P2RY12: variants seen among roughly 807,000 people sequenced by gnomAD.
The protein encoded by P2RY12 is P2Y purinoceptor 12.
P2RY12 carries 3 observed loss-of-function variants against 4.5 expected under a neutral mutation model. The ratio of observed to expected loss-of-function variants is 0.67; its 90% CI spans 0.31 to 1.74. The LOEUF is 1.74. Ranked by LOEUF, P2RY12 falls within the 40% of genes most tolerant of loss-of-function variation. The probability of loss-of-function intolerance (pLI) is 0.09; values close to 1 mark genes in which losing one functional copy is unlikely to be tolerated. For missense variants in P2RY12, 356 were observed against 407.8 expected, an observed-to-expected ratio of 0.87 and a Z score of 1.09; for synonymous variants, 148 against 154.1, an observed-to-expected ratio of 0.96 and a Z score of 0.29.
intron 1 of P2RY12, chr3:151,384,275 A>G: frequency 6.8e-7 from 1 of 1,478,764 alleles, no homozygotes; most frequent in Non-Finnish European, 9.1e-7. Context: ...TTTATTATCT[A>G]GTGCATTTTA....
chr3:151,384,309 T>A, intron 1 of P2RY12: 1 of 1,276,836 alleles, frequency 7.8e-7, no homozygotes, highest in Non-Finnish European at 1.1e-6. Flanking sequence ...TAAATGTTAT[T>A]AATTGTATTC....
In P2RY12 at chr3:151,337,119, T is replaced by C. The variant is rs2149921600; in HGVS notation, c.*698A>G. ...CTAGAATTAAGGAAATATTTCTATATTTTTTAGTATTAGAATGTCATAAAA... is the reference window on the plus strand; with the variant it reads ...CTAGAATTAAGGAAATATTTCTATACTTTTTAGTATTAGAATGTCATAAAA... On this transcript the variant is annotated 3_prime_UTR_variant, in exon 3 of 3. Coordinates refer to ENST00000302632, the MANE Select transcript of P2RY12 (RefSeq NM_022788.5). 6.6e-6 allele frequency: 1 copy of C among 152,262 alleles called. No individual in the cohort carries two copies. 9.4% of individuals were successfully genotyped at this position (152,262 alleles called of 1,614,324 possible).
chr3:151,351,720 A>G (rs1313776449), intron 1 of P2RY12, among the ~76,000 whole-genome samples: 2 of 152,182 alleles, frequency 1.3e-5, no homozygotes, highest in Non-Finnish European at 2.9e-5. Context: ...TTCGTAATAC[A>G]TATTTTATCT....
intron 1 of P2RY12, chr3:151,350,262 GCA>G (rs1346003326): frequency 3.2e-6 from 5 of 1,566,392 alleles, no homozygotes; most frequent in South Asian, 2.3e-5. Flanking sequence ...TTCCCTCTGA[GCA>G]CAGTCTTTAT....
intron 1 of P2RY12, among the ~76,000 whole-genome samples, chr3:151,342,960 C>T (rs1023785311): frequency 6.6e-5 from 10 of 152,128 alleles, no homozygotes; most frequent in African/African-American, 2.4e-4. Flanking sequence ...AACTGAAGAG[C>T]AGAGCAGTGA....
In P2RY12 at chr3:151,338,498, T is replaced by A; in HGVS notation, c.348A>T (p.Gly116=). The A allele has an allele frequency of 6.2e-7, 1 of 1,613,912 alleles. No individual in the cohort carries two copies. The highest frequency in any genetic ancestry group is 8.5e-7 in the Non-Finnish European group (1 of 1,179,958). The change falls in exon 3 of 3, where the codon GGA becomes GGT. Residue 116 remains glycine (G), a synonymous_variant. Transcript: ENST00000302632. ...TCTGGTAGCGATCGATAGTTATCAGTCCCAGGAATGAAATACTGATATACA... is the reference window on the plus strand; with the variant it reads ...TCTGGTAGCGATCGATAGTTATCAGACCCAGGAATGAAATACTGATATACA... The part of the protein sequence containing the change: ...FTMYISISFL[G]LITIDRYQKT...
intron 1 of P2RY12, chr3:151,380,009 A>G: frequency 1.4e-6 from 1 of 694,848 alleles, no homozygotes; most frequent in South Asian, 2.2e-5. Context: ...GCTATTTACC[A>G]CCTCTCTTAT....
chr3:151,359,131 GTCCACGTGTACC>G (rs983528421), intron 1 of P2RY12, among the ~76,000 whole-genome samples: 3 of 151,988 alleles, frequency 2.0e-5, no homozygotes, highest in Non-Finnish European at 4.4e-5. Context: ...TCATCCTTAT[GTCCACGTGTACC>G]TCATGCTTAG....
At position 151,361,341 on chromosome 3, in the gene P2RY12, T is replaced by C. The variant is rs567789417; in HGVS notation, c.-179-20581A>G. On this transcript the variant is annotated intron_variant, in intron 1 of 2. Transcript: ENST00000302632. ...CTCACTGAATAACATTAAATCAATG[T>C]GCATTAAAAGTAGGAAACCTGGTTT... Among the ~76,000 whole-genome samples, 5 of 152,256 alleles carry C rather than the reference T, an allele frequency of 3.3e-5. No individual in the cohort carries two copies. The East Asian group carries it at 9.6e-4, about 29-fold the overall frequency.
In P2RY12 at chr3:151,337,859, T is replaced by G; in HGVS notation, c.987A>C (p.Lys329Asn). The G allele has an allele frequency of 1.9e-6, 3 of 1,614,130 alleles. No individual in the cohort carries two copies. Among genetic ancestry groups the G allele is most frequent in the Non-Finnish European group, 2.5e-6 (3 of 1,179,988 alleles). Residue 329 changes from lysine (K) to asparagine (N), a missense_variant, in exon 3 of 3, where the codon AAA (lysine) becomes AAC (asparagine). Physicochemically the swap from Lys to Asn is moderately conservative, Grantham distance 94. Transcript: ENST00000302632. ...ATSLSQDNRKKEQDGGDPNEE... is the reference protein window; with the variant it reads ...ATSLSQDNRKNEQDGGDPNEE... ...CATTTGGGTCACCACCATCCTGTTC[T>G]TTTTTCCTATTGTCCTGGGACAGAG...
At chr3:151,372,584 A>G in intron 1 of P2RY12, 1 of 1,613,794 alleles carries the variant, frequency 6.2e-7, no homozygotes, top group Non-Finnish European at 8.5e-7. Context: ...CAAAATTGGC[A>G]ATAACAGTGT....
At chr3:151,344,286 A>G (rs1034817961) in intron 1 of P2RY12, among the ~76,000 whole-genome samples, 1 of 133,246 alleles carries the variant, frequency 7.5e-6, no homozygotes, top group African/African-American at 2.9e-5. Flanking sequence ...AATATACTCT[A>G]TGTATAGTTA....
At chr3:151,351,834 G>A (rs927288398) in intron 1 of P2RY12, among the ~76,000 whole-genome samples, 1 of 152,128 alleles carries the variant, frequency 6.6e-6, no homozygotes, top group Non-Finnish European at 1.5e-5. Context: ...TCTGTTGAGC[G>A]TACTAACTTC....
At chr3:151,348,511 T>G (rs1172423515) in intron 1 of P2RY12, among the ~76,000 whole-genome samples, 1 of 151,972 alleles carries the variant, frequency 6.6e-6, no homozygotes, top group Non-Finnish European at 1.5e-5. Context: ...TTTTGAAAAT[T>G]TGGGAGAGGT....
intron 1 of P2RY12, among the ~76,000 whole-genome samples, chr3:151,346,095 C>T (rs1752503082): frequency 6.6e-6 from 1 of 152,292 alleles, no homozygotes; most frequent in Non-Finnish European, 1.5e-5. Flanking sequence ...GCCCAACTCC[C>T]TGAGCATATC....
intron 1 of P2RY12, chr3:151,377,131 T>C: frequency 6.2e-7 from 1 of 1,613,964 alleles, no homozygotes; most frequent in East Asian, 2.2e-5. Context: ...GTATTGGAAG[T>C]GCTGATACAA....
At position 151,350,404 on chromosome 3, in the gene P2RY12, A is replaced by G. The variant is rs537315971; in HGVS notation, c.-179-9644T>C. 2.0e-5 allele frequency among the ~76,000 whole-genome samples: 3 copies of G among 152,178 alleles called. No individual in the cohort carries two copies. In the South Asian group the frequency reaches 6.2e-4, roughly 32 times the overall value. ...ATAGCAACCCTTGTATTAAAATATTAATACAAGGTATTAATATTAAATATT... is the reference window on the plus strand; with the variant it reads ...ATAGCAACCCTTGTATTAAAATATTGATACAAGGTATTAATATTAAATATT... On this transcript the variant is annotated intron_variant, in intron 1 of 2. Coordinates refer to ENST00000302632, the MANE Select transcript of P2RY12 (RefSeq NM_022788.5).
At chr3:151,371,042 A>G (rs950928987) in intron 1 of P2RY12, among the ~76,000 whole-genome samples, 33 of 152,232 alleles carry the variant, frequency 2.2e-4, no homozygotes, top group South Asian at 2.1e-4. Flanking sequence ...GCAATTGCAG[A>G]AGGCCTGGCA....
chr3:151,371,508 T>G (rs1756184118), intron 1 of P2RY12, among the ~76,000 whole-genome samples: 1 of 152,208 alleles, frequency 6.6e-6, no homozygotes, highest in African/African-American at 2.4e-5. Context: ...AATACATTAT[T>G]TATTCCTCTC....
Sources: allele counts gnomAD v4.1 joint callset (sites outside exome capture counted in the v4.1 genomes callset), GRCh38; gene constraint gnomAD v4.1.1; transcripts MANE v1.5; gene names NCBI Gene and HGNC (gene_info 2026-07-23, HGNC 2026-07-21).